RBBP4: variants seen among roughly 807,000 people sequenced by gnomAD.
RBBP4 encodes the protein RB binding protein 4, chromatin remodeling factor.
Under a neutral mutation model 57.2 loss-of-function variants are expected in RBBP4, and 3 were observed. The observed-to-expected ratio is 0.05, with a 90% confidence interval of 0.02 to 0.14. The LOEUF (loss-of-function observed/expected upper bound fraction) is 0.14. Ranked by LOEUF, RBBP4 falls within the 10% of genes least tolerant of loss-of-function variation. RBBP4 has a pLI of 1.00. For missense variants in RBBP4, 107 were observed against 520.6 expected, an observed-to-expected ratio of 0.21 and a Z score of 7.73; for synonymous variants, 151 against 171.5, an observed-to-expected ratio of 0.88 and a Z score of 0.93.
At chr1:32,662,709 A>G (rs1648477753) in intron 3 of RBBP4, among the ~76,000 whole-genome samples, 3 of 151,840 alleles carry the variant, frequency 2.0e-5, no homozygotes, top group Non-Finnish European at 1.5e-5. Context: ...ATCTCAGCCC[A>G]GGCGCAGTGG....
In RBBP4 at chr1:32,651,279, C is replaced by T. The variant is rs377484504; in HGVS notation, c.-28C>T. ...CCGCCCCTCCCGCAACGCTCGACCC[C>T]AGGATTCCCCCGGCTCGCCTGCCCG... On this transcript the variant is annotated 5_prime_UTR_variant, in exon 1 of 12. Transcript: ENST00000373493. The T allele has an allele frequency of 2.0e-6, 3 of 1,495,722 alleles. No individual in the cohort carries two copies. Among genetic ancestry groups the T allele is most frequent in the Non-Finnish European group, 2.7e-6 (3 of 1,123,224 alleles). The allele number at this position is 1,495,722 out of a possible 1,614,324, so 92.7% of individuals were successfully genotyped here. A position where few individuals can be genotyped will look rare whatever the true frequency, so the allele number is the denominator to read the frequency against.
chr1:32,657,285 A>G (rs1648187511), intron 2 of RBBP4, 142 bp from the exon 3 acceptor site: 2 of 781,184 alleles, frequency 2.6e-6, no homozygotes, highest in Middle Eastern at 3.9e-4. Context: ...ATAAAAAAAG[A>G]AAGAAAGAAA....
intron 8 of RBBP4, among the ~76,000 whole-genome samples, chr1:32,671,472 A>T (rs1156250695): frequency 1.3e-5 from 2 of 152,126 alleles, no homozygotes; most frequent in Non-Finnish European, 2.9e-5. Context: ...AATCCCAGCT[A>T]CTTAAGAGGC....
intron 11 of RBBP4, among the ~76,000 whole-genome samples, chr1:32,676,086 G>C (rs1005650283): frequency 6.6e-6 from 1 of 152,060 alleles, no homozygotes; most frequent in African/African-American, 2.4e-5. Context: ...GTGACAGAAG[G>C]ATCCCTTGAG....
intron 3 of RBBP4, among the ~76,000 whole-genome samples, chr1:32,667,853 T>A (rs919508091): frequency 6.6e-6 from 1 of 152,196 alleles, no homozygotes. Context: ...CTAGATTACC[T>A]ATAATACCTA....
At chr1:32,654,479 T>TG (rs1258465340) in intron 2 of RBBP4, among the ~76,000 whole-genome samples, 1 of 152,226 alleles carries the variant, frequency 6.6e-6, no homozygotes, top group Admixed American at 6.5e-5. Flanking sequence ...ATTGGACTAG[T>TG]GGATCACAAA....
At chr1:32,674,109 T>A (rs968071024) in intron 11 of RBBP4, among the ~76,000 whole-genome samples, 6 of 152,134 alleles carry the variant, frequency 3.9e-5, no homozygotes, top group East Asian at 1.9e-4. Context: ...TCAATTAAAA[T>A]ATATATATGT....
chr1:32,672,766 C>G, intron 10 of RBBP4, 25 bp from the exon 11 acceptor site: 2 of 1,552,884 alleles, frequency 1.3e-6, no homozygotes, highest in Non-Finnish European at 1.8e-6. Flanking sequence ...TGCATTTCAC[C>G]TCTTTGTTTT....
chr1:32,662,980 G>A (rs1314810078), intron 3 of RBBP4, among the ~76,000 whole-genome samples: 5 of 151,810 alleles, frequency 3.3e-5, no homozygotes, highest in African/African-American at 7.3e-5. Context: ...AGCAAGACTC[G>A]TCTCAAAAAA....
intron 3 of RBBP4, among the ~76,000 whole-genome samples, chr1:32,661,890 TTTTTTTTTTTTTTTTTG>T (rs1463695821): frequency 8.7e-6 from 1 of 114,336 alleles, no homozygotes; most frequent in East Asian, 2.5e-4. Context: ...TTTTTTTTTT[TTTTTTTTTTTTTTTTTG>T]AGACAGTCTT....
intron 3 of RBBP4, chr1:32,662,259 G>A (rs1296418633): frequency 3.3e-6 from 1 of 307,324 alleles, no homozygotes; most frequent in African/African-American, 2.3e-5. Context: ...GAGTGCAGTG[G>A]TGCGATCTCA....
rs1477384803 is a variant in RBBP4, at chr1:32,682,050, C to T, written c.*2345C>T. On this transcript the variant is annotated 3_prime_UTR_variant, in exon 12 of 12. Coordinates refer to ENST00000373493, the MANE Select transcript of RBBP4 (RefSeq NM_005610.3). The stretch of plus-strand genomic sequence containing the variant: ...GATGGTGATGGGAGGGATAGTTAAA[C>T]GTTTTCTCTGCTAGGTTAACTTCTT... 1.7e-5 allele frequency: 10 copies of T among 575,564 alleles called. No individual in the cohort carries two copies. The highest frequency in any genetic ancestry group is 1.3e-4 in the African/African-American group (7 of 53,192). The allele number at this position is 575,564 out of a possible 1,614,324, so 35.7% of individuals were successfully genotyped here. A position where few individuals can be genotyped will look rare whatever the true frequency, so the allele number is the denominator to read the frequency against.
chr1:32,651,243 T>G lies in RBBP4; in HGVS notation c.-64T>G. 4.0e-6 allele frequency: 6 copies of G among 1,506,744 alleles called. No individual in the cohort carries two copies. Among genetic ancestry groups the G allele is most frequent in the Non-Finnish European group, 5.3e-6 (6 of 1,127,434 alleles). The allele number at this position is 1,506,744 out of a possible 1,614,324, so 93.3% of individuals were successfully genotyped here. A position where few individuals can be genotyped will look rare whatever the true frequency, so the allele number is the denominator to read the frequency against. Reference sequence around the variant, plus strand: ...GAGGCCGCGCGCACAGAGCGAGCTCTTGCAGCCTCCCCGCCCCTCCCGCAA... The same window carrying G: ...GAGGCCGCGCGCACAGAGCGAGCTCGTGCAGCCTCCCCGCCCCTCCCGCAA... On this transcript the variant is annotated 5_prime_UTR_variant, in exon 1 of 12. Transcript: ENST00000373493.
chr1:32,660,289 C>T (rs1242572461), intron 3 of RBBP4, among the ~76,000 whole-genome samples: 3 of 152,156 alleles, frequency 2.0e-5, no homozygotes, highest in Non-Finnish European at 4.4e-5. Flanking sequence ...CTCTGTCACC[C>T]AGACTGGAGT....
chr1:32,675,452 C>T (rs1044137851), intron 11 of RBBP4, among the ~76,000 whole-genome samples: 1 of 151,744 alleles, frequency 6.6e-6, no homozygotes, highest in Non-Finnish European at 1.5e-5. Flanking sequence ...TCACAACATT[C>T]ATACTTTGTA....
At chr1:32,652,446 G>T (rs748554482) in intron 2 of RBBP4, 13 of 184,122 alleles carry the variant, frequency 7.1e-5, no homozygotes, top group Non-Finnish European at 1.5e-4. Flanking sequence ...GAGGCCAGGA[G>T]TTGGAGACCA....
intron 11 of RBBP4, among the ~76,000 whole-genome samples, chr1:32,679,162 T>C (rs943660206): frequency 1.3e-5 from 2 of 152,116 alleles, no homozygotes; most frequent in Non-Finnish European, 2.9e-5. Flanking sequence ...CCAGGCGTAG[T>C]GGCATGTGCC....
In RBBP4 at chr1:32,666,007, ACT is replaced by A. The variant is rs1042331594; in HGVS notation, c.311-2213_311-2212del. On this transcript the variant is annotated intron_variant, in intron 3 of 11. Coordinates refer to ENST00000373493, the MANE Select transcript of RBBP4 (RefSeq NM_005610.3). ...ATATACTATAATGGTACTTGAGAGA[ACT>A]CTCTAAGTGCACATAGTAGTCATGT... 1.6e-4 allele frequency among the ~76,000 whole-genome samples: 24 copies of A among 152,106 alleles called. 1 individual carries two copies. Among genetic ancestry groups the A allele is most frequent in the African/African-American group, 5.8e-4 (24 of 41,414 alleles).
chr1:32,652,358 A>G (rs552325416), intron 2 of RBBP4: 1 of 264,482 alleles, frequency 3.8e-6, no homozygotes, highest in African/African-American at 2.2e-5. Context: ...GTCAACTTTC[A>G]AAAAGTATTA....
Sources: gnomAD v4.1 joint callset for allele counts (sites outside exome capture counted in the v4.1 genomes callset) on GRCh38, gnomAD v4.1.1 for gene constraint, MANE v1.5 for transcripts, NCBI Gene and HGNC (gene_info 2026-07-23, HGNC 2026-07-21) for gene names.